GRID2IP: variants seen among roughly 807,000 people sequenced by gnomAD.
GRID2IP encodes Grid2 interacting protein.
GRID2IP carries 78 observed loss-of-function variants against 114.3 expected under a neutral mutation model. The observed-to-expected ratio is 0.68, with a 90% confidence interval of 0.57 to 0.82. The LOEUF is 0.82. GRID2IP is among the 40% of genes least tolerant of loss of function. The probability of loss-of-function intolerance (pLI) is 0.00; values close to 1 mark genes in which losing one functional copy is unlikely to be tolerated. For synonymous variants in GRID2IP, 809 were observed against 724.0 expected (o/e 1.12, Z -1.89); for missense variants, 1,727 against 1,678.5 (o/e 1.03, Z -0.51).
rs1779515239 is a variant in GRID2IP at position 6,526,590 on chromosome 7, G to A, written c.764C>T (p.Pro255Leu). The A allele has an allele frequency of 8.4e-7, 1 of 1,194,262 alleles. No homozygotes were observed. Among genetic ancestry groups the A allele is most frequent in the Non-Finnish European group, 1.0e-6 (1 of 964,872 alleles). The allele number at this position is 1,194,262 out of a possible 1,614,324, so 74.0% of individuals were successfully genotyped here. A position where few individuals can be genotyped will look rare whatever the true frequency, so the allele number is the denominator to read the frequency against. Residue 255 changes from proline (P) to leucine (L), a missense_variant, in exon 3 of 22, where the codon CCC becomes CTC. Coordinates refer to ENST00000457091, the MANE Select transcript of GRID2IP (RefSeq NM_001145118.2). This position sits in a 1 kb window ranked among gnomAD's most constrained non-coding sequence, Gnocchi z 7.6. ...GGCCCTGCGCGGGGGCGGCTCATCGGGGCGGCGCGGCGGGGCGCTGGCGCG... is the reference window on the plus strand; with the variant it reads ...GGCCCTGCGCGGGGGCGGCTCATCGAGGCGGCGCGGCGGGGCGCTGGCGCG... ...STRASAPPRR[P>L]DEPPPRRASL...
Position 6,510,372 on chromosome 7 carries a change from G to C in GRID2IP, c.1682C>G (p.Ser561Cys). Reference sequence around the variant, plus strand: ...CCCTTTGAAGCTGCTGTTCAGTCGAGACTCAAGCTCTGCATAGACGGCTGA... The same window carrying C: ...CCCTTTGAAGCTGCTGTTCAGTCGACACTCAAGCTCTGCATAGACGGCTGA... The part of the protein sequence containing the change: ...MMSAVYAELE[S>C]RLNSSFKGKM... Residue 561 changes from serine (S) to cysteine (C), a missense_variant, in exon 11 of 22, where the codon TCT becomes TGT. Coordinates refer to ENST00000457091, the MANE Select transcript of GRID2IP (RefSeq NM_001145118.2). 1.3e-6 allele frequency: 2 copies of C among 1,545,514 alleles called. No individual in the cohort carries two copies. The highest frequency in any genetic ancestry group is 3.4e-4 in the Middle Eastern group (2 of 5,964).
In GRID2IP at chr7:6,510,527, C is replaced by T. The variant is rs973315672; in HGVS notation, c.1653+82G>A. 8 of 1,318,882 alleles carry T rather than the reference C, an allele frequency of 6.1e-6. No homozygotes were observed. In the Admixed American group the frequency reaches 8.7e-5, roughly 14 times the overall value. The allele number at this position is 1,318,882 out of a possible 1,614,324, so 81.7% of individuals were successfully genotyped here. On this transcript the variant is annotated intron_variant, in intron 10 of 21. Coordinates refer to ENST00000457091, the MANE Select transcript of GRID2IP (RefSeq NM_001145118.2). ...TGAAGCAGCACAGGGACGCCTTGGC[C>T]TGGGTCTCCTGGGCCCAGTCCTATG...
intron 4 of GRID2IP, among the ~76,000 whole-genome samples, chr7:6,525,139 T>C (rs1779485460): frequency 6.6e-6 from 1 of 151,898 alleles, no homozygotes; most frequent in East Asian, 2.0e-4. Flanking sequence ...GCCCCATCTC[T>C]ACTAAAAATA....
chr7:6,539,688 C>G (rs1779783088), intron 2 of GRID2IP, 30 bp downstream of exon 2: 1 of 1,519,988 alleles, frequency 6.6e-7, no homozygotes, highest in Non-Finnish European at 8.9e-7. Context: ...ACCCACCCTG[C>G]CTGTCTATCC....
Position 6,508,517 on chromosome 7 carries a change from T to C in GRID2IP, c.2128-116A>G. 6.7e-7 allele frequency: 1 copy of C among 1,490,060 alleles called. No individual in the cohort carries two copies. Among genetic ancestry groups the C allele is most frequent in the Non-Finnish European group, 9.0e-7 (1 of 1,115,936 alleles). The allele number at this position is 1,490,060 out of a possible 1,614,324, so 92.3% of individuals were successfully genotyped here. A position where few individuals can be genotyped will look rare whatever the true frequency, so the allele number is the denominator to read the frequency against. On this transcript the variant is annotated intron_variant, in intron 12 of 21. Transcript: ENST00000457091. This position sits in a 1 kb window ranked among gnomAD's most constrained non-coding sequence, Gnocchi z 5.6. ...GACAAGGACAGGGCCATCTCACGGGTTAGCCTCAGGCTGTGAGGGACACCT... is the reference window on the plus strand; with the variant it reads ...GACAAGGACAGGGCCATCTCACGGGCTAGCCTCAGGCTGTGAGGGACACCT...
intron 20 of GRID2IP, among the ~76,000 whole-genome samples, chr7:6,499,325 C>G (rs75389995): frequency 0.011 from 1,720 of 152,304 alleles, 33 homozygotes; most frequent in African/African-American, 0.039. Flanking sequence ...CAGAGGGTAA[C>G]TGACTTGCCC....
Position 6,509,073 on chromosome 7 carries a change from G to A in GRID2IP, c.2012C>T (p.Ser671Phe), listed in dbSNP as rs1583336625. 3 of 1,444,510 alleles carry A rather than the reference G, an allele frequency of 2.1e-6. No homozygotes were observed. The highest frequency in any genetic ancestry group is 2.8e-6 in the Non-Finnish European group (3 of 1,079,414). 89.5% of individuals were successfully genotyped at this position (1,444,510 alleles called of 1,614,324 possible). Residue 671 changes from serine to phenylalanine, a missense_variant, in exon 12 of 22, where the codon TCC (serine) becomes TTC (phenylalanine). By Grantham distance (155) the Ser-to-Phe change is radical. Coordinates refer to ENST00000457091, the MANE Select transcript of GRID2IP (RefSeq NM_001145118.2). The surrounding 1 kb of genome is among the most constrained non-coding windows in gnomAD (Gnocchi z 4.9). ...PPSRRKLFTF[S>F]HPVRSRDTDR... Reference sequence around the variant, plus strand: ...AGTATCGCGGCTTCGCACAGGGTGGGAGAAGGTGAAGAGCTTCCTGCGGCT... The same window carrying A: ...AGTATCGCGGCTTCGCACAGGGTGGAAGAAGGTGAAGAGCTTCCTGCGGCT...
In GRID2IP at chr7:6,508,662, G is replaced by A. The variant is rs934969009; in HGVS notation, c.2128-261C>T. On this transcript the variant is annotated intron_variant, in intron 12 of 21. Coordinates refer to ENST00000457091, the MANE Select transcript of GRID2IP (RefSeq NM_001145118.2). This position sits in a 1 kb window ranked among gnomAD's most constrained non-coding sequence, Gnocchi z 5.6. Reference sequence around the variant, plus strand: ...CTGTGAGGGGGATAGCCTGGAATAAGGACAGGACCCTGTCACGGGTTAGCC... The same window carrying A: ...CTGTGAGGGGGATAGCCTGGAATAAAGACAGGACCCTGTCACGGGTTAGCC... Among the ~76,000 whole-genome samples, 2 of 152,156 alleles carry A rather than the reference G, an allele frequency of 1.3e-5. No individual in the cohort carries two copies. Among genetic ancestry groups the A allele is most frequent in the Non-Finnish European group, 2.9e-5 (2 of 68,012 alleles).
At position 6,511,864 on chromosome 7, in the gene GRID2IP, C is replaced by T. The variant is rs548716089; in HGVS notation, c.1424-825G>A. Among the ~76,000 whole-genome samples, 329 of 152,072 alleles carry T rather than the reference C, an allele frequency of 2.2e-3. 1 individual carries two copies. The highest frequency in any genetic ancestry group is 2.9e-3 in the Non-Finnish European group (196 of 67,980). On this transcript the variant is annotated intron_variant, in intron 8 of 21. Coordinates refer to ENST00000457091, the MANE Select transcript of GRID2IP (RefSeq NM_001145118.2). ...TCCTTTCCTTCCTTCTCTTCCTTCT[C>T]TCACTTTCTCTCTTTCTCTCTTTTC...
chr7:6,498,737 C>A (rs1201498154), intron 20 of GRID2IP, among the ~76,000 whole-genome samples: 1 of 151,860 alleles, frequency 6.6e-6, no homozygotes, highest in African/African-American at 2.4e-5. Flanking sequence ...GAGGTTTACA[C>A]CACCATACCC....
chr7:6,517,924 A>G (rs1057359189), intron 7 of GRID2IP, among the ~76,000 whole-genome samples: 11 of 151,298 alleles, frequency 7.3e-5, no homozygotes, highest in Admixed American at 4.0e-4. Context: ...ATAAATAAAT[A>G]AATAAATAAA....
rs1255946512 is a variant in GRID2IP, at chr7:6,536,457, TG to T, written c.584+3260del. On this transcript the variant is annotated intron_variant, in intron 2 of 21. Coordinates refer to ENST00000457091, the MANE Select transcript of GRID2IP (RefSeq NM_001145118.2). The surrounding 1 kb of genome is among the most constrained non-coding windows in gnomAD (Gnocchi z 5.3). ...CCCGCTGCCGCAGCTGCCGGCGGCTTGGGGACCAGCGGCGGCTGGGAAAGGC... is the reference window on the plus strand; with the variant it reads ...CCCGCTGCCGCAGCTGCCGGCGGCTTGGGACCAGCGGCGGCTGGGAAAGGC... Among the ~76,000 whole-genome samples, 2 of 152,122 alleles carry T rather than the reference TG, an allele frequency of 1.3e-5. No individual in the cohort carries two copies. The highest frequency in any genetic ancestry group is 2.9e-5 in the Non-Finnish European group (2 of 68,006).
rs1308576520 is a variant in GRID2IP, at chr7:6,502,002, G to A, written c.3267C>T (p.Pro1089=). Residue 1089 remains proline (P), a synonymous_variant, in exon 19 of 22, where the codon CCC becomes CCT. Coordinates refer to ENST00000457091, the MANE Select transcript of GRID2IP (RefSeq NM_001145118.2). ...CACCCAGCATACCTTTGGCAGCCAGGGGCACGGTGGGCAGGTCCTGAGCAA... is the reference window on the plus strand; with the variant it reads ...CACCCAGCATACCTTTGGCAGCCAGAGGCACGGTGGGCAGGTCCTGAGCAA... ...LGFAQDLPTV[P]LAAKVNQRAL... The A allele has an allele frequency of 1.3e-6, 2 of 1,551,342 alleles. No homozygotes were observed. The highest frequency in any genetic ancestry group is 2.0e-5 in the Admixed American group (1 of 50,914).
intron 2 of GRID2IP, among the ~76,000 whole-genome samples, chr7:6,530,446 G>A (rs758138494): frequency 2.0e-5 from 3 of 151,434 alleles, no homozygotes; most frequent in Non-Finnish European, 4.4e-5. Flanking sequence ...TAAATTTTTA[G>A]TAGAGACGGG....
At chr7:6,549,795 T>TA (rs1169996432) in intron 1 of GRID2IP, among the ~76,000 whole-genome samples, 1 of 151,592 alleles carries the variant, frequency 6.6e-6, no homozygotes, top group Non-Finnish European at 1.5e-5. Flanking sequence ...CTGGTTTTTT[T>TA]TTTTTTTATA....
chr7:6,522,905 T>A (rs1453378582), intron 4 of GRID2IP, among the ~76,000 whole-genome samples: 1 of 151,944 alleles, frequency 6.6e-6, no homozygotes, highest in Non-Finnish European at 1.5e-5. Context: ...GCTCAAGTGA[T>A]CCGCCCGCCT....
rs551325374 is a variant in GRID2IP, at chr7:6,505,790, G to T, written c.2632+30C>A. ...GCTGCCACAGATGGTGTGGTATCTGGGGTTCCCCCAAGGCCATCAGGCCAC... is the reference window on the plus strand; with the variant it reads ...GCTGCCACAGATGGTGTGGTATCTGTGGTTCCCCCAAGGCCATCAGGCCAC... On this transcript the variant is annotated intron_variant, in intron 14 of 21. Transcript: ENST00000457091. The T allele has an allele frequency of 5.5e-6, 8 of 1,444,738 alleles. No individual in the cohort carries two copies. In the South Asian group the frequency reaches 6.1e-5, roughly 11 times the overall value. 89.5% of individuals were successfully genotyped at this position (1,444,738 alleles called of 1,614,324 possible). A position where few individuals can be genotyped will look rare whatever the true frequency, so the allele number is the denominator to read the frequency against.
chr7:6,504,898 G>A (rs985729474), intron 14 of GRID2IP, 28 bp from the exon 15 acceptor site: 31 of 1,546,758 alleles, frequency 2.0e-5, no homozygotes, highest in Non-Finnish European at 2.5e-5. Flanking sequence ...AGTTTACGGA[G>A]GCGGCTAGGC....
In GRID2IP at chr7:6,509,411, C is replaced by T. The variant is rs1022011498; in HGVS notation, c.1772-98G>A. 4 of 1,091,426 alleles carry T rather than the reference C, an allele frequency of 3.7e-6. No homozygotes were observed. The highest frequency in any genetic ancestry group is 5.0e-6 in the Non-Finnish European group (4 of 797,990). The allele number at this position is 1,091,426 out of a possible 1,614,324, so 67.6% of individuals were successfully genotyped here. ...GTCCTAGGACAGACTGGCTCTGTGT[C>T]CCAGGCCACTCTCCTTTCCCTCTCT... On this transcript the variant is annotated intron_variant, in intron 11 of 21. Coordinates refer to ENST00000457091, the MANE Select transcript of GRID2IP (RefSeq NM_001145118.2). The surrounding 1 kb of genome is among the most constrained non-coding windows in gnomAD (Gnocchi z 4.9).
Sources: allele counts gnomAD v4.1 joint callset (sites outside exome capture counted in the v4.1 genomes callset), GRCh38; gene constraint gnomAD v4.1.1; non-coding constraint Gnocchi (gnomAD v3.1); transcripts MANE v1.5; gene names NCBI Gene and HGNC (gene_info 2026-07-23, HGNC 2026-07-21).